The following PTPRR variants were observed in gnomAD, a reference collection of about 807,000 sequenced individuals.
PTPRR encodes the protein protein tyrosine phosphatase receptor type R.
Under a neutral mutation model 77.2 loss-of-function variants are expected in PTPRR, and 38 were observed. The ratio of observed to expected loss-of-function variants is 0.49; its 90% CI spans 0.38 to 0.65. PTPRR has a LOEUF of 0.65. Ranked by LOEUF, PTPRR falls within the 30% of genes least tolerant of loss-of-function variation. The probability of loss-of-function intolerance (pLI) is 0.00; values close to 1 mark genes in which losing one functional copy is unlikely to be tolerated. For missense variants in PTPRR, 744 were observed against 799.2 expected, an observed-to-expected ratio of 0.93 and a Z score of 0.83; for synonymous variants, 299 against 283.1, an observed-to-expected ratio of 1.06 and a Z score of -0.57.
chr12:70,906,267 A>ATTAGAAATATATT (rs1893620411), intron 1 of PTPRR, among the ~76,000 whole-genome samples: 1 of 151,966 alleles, frequency 6.6e-6, no homozygotes, highest in Non-Finnish European at 1.5e-5. Flanking sequence ...CTACAACTAG[A>ATTAGAAATATATT]TTAGAAATAT....
intron 10 of PTPRR, among the ~76,000 whole-genome samples, chr12:70,668,457 A>G (rs1214306212): frequency 6.6e-6 from 1 of 152,200 alleles, no homozygotes; most frequent in Non-Finnish European, 1.5e-5. Flanking sequence ...AGAAGATCCA[A>G]CAGTCCAATT....
intron 4 of PTPRR, among the ~76,000 whole-genome samples, chr12:70,760,164 T>A (rs1199353653): frequency 1.3e-5 from 2 of 152,250 alleles, no homozygotes; most frequent in African/African-American, 2.4e-5. Context: ...TTTCTGCATA[T>A]ACTTTAAAAA....
chr12:70,668,252 G>T (rs1887084673), intron 10 of PTPRR, among the ~76,000 whole-genome samples: 1 of 152,010 alleles, frequency 6.6e-6, no homozygotes, highest in Admixed American at 6.6e-5. Flanking sequence ...AGAGGAGGAG[G>T]AGGATAAGGA....
intron 2 of PTPRR, among the ~76,000 whole-genome samples, chr12:70,855,823 C>A (rs917052475): frequency 6.6e-6 from 1 of 152,086 alleles, no homozygotes; most frequent in Admixed American, 6.6e-5. Context: ...TGCTTGAAAA[C>A]CTGCATATAA....
At chr12:70,644,700 C>A (rs1396525684) in intron 13 of PTPRR, among the ~76,000 whole-genome samples, 1 of 152,174 alleles carries the variant, frequency 6.6e-6, no homozygotes, top group African/African-American at 2.4e-5. Flanking sequence ...TTGGTACCAT[C>A]TGGTCAAATA....
intron 2 of PTPRR, among the ~76,000 whole-genome samples, chr12:70,817,514 C>CT: frequency 6.6e-6 from 1 of 152,214 alleles, no homozygotes; most frequent in Non-Finnish European, 1.5e-5. Context: ...TAATTTTCAT[C>CT]TATTTTTGAG....
intron 11 of PTPRR, 75 bp from the exon 12 acceptor site, chr12:70,661,172 GC>G: frequency 6.5e-7 from 1 of 1,530,358 alleles, no homozygotes; most frequent in Non-Finnish European, 8.9e-7. Context: ...AATACTGAAT[GC>G]CTTTTATCAC....
chr12:70,681,152 C>T (rs770891056), intron 10 of PTPRR, among the ~76,000 whole-genome samples: 13 of 152,144 alleles, frequency 8.5e-5, no homozygotes, highest in Non-Finnish European at 1.9e-4. Flanking sequence ...TGTAGCAACT[C>T]AGCAAGGGAA....
Position 70,652,337 on chromosome 12 carries a change from C to T in PTPRR, c.1880+4367G>A, listed in dbSNP as rs566372260. On this transcript the variant is annotated intron_variant, in intron 13 of 13. Transcript: ENST00000283228. Reference sequence around the variant, plus strand: ...GAAAAAGAAGTAAGATGAGGTGAAACGAAAGGGATAGGTTTTCTGTTCTGC... The same window carrying T: ...GAAAAAGAAGTAAGATGAGGTGAAATGAAAGGGATAGGTTTTCTGTTCTGC... Among the ~76,000 whole-genome samples the T allele has an allele frequency of 2.8e-4, 42 of 152,086 alleles. 1 individual carries two copies. Among genetic ancestry groups the T allele is most frequent in the Middle Eastern group, 3.4e-3 (1 of 294 alleles).
intron 1 of PTPRR, among the ~76,000 whole-genome samples, chr12:70,911,276 A>G (rs1893695055): frequency 6.6e-6 from 1 of 152,166 alleles, no homozygotes; most frequent in Non-Finnish European, 1.5e-5. Context: ...ATAGGATAGT[A>G]TCAGTTGGTC....
chr12:70,717,771 G>A (rs60437214), intron 6 of PTPRR, among the ~76,000 whole-genome samples: 71,590 of 151,954 alleles, frequency 0.47, 17,861 homozygotes, highest in Non-Finnish European at 0.54. Flanking sequence ...TGTGTGCATG[G>A]CAGGGATTTG....
intron 2 of PTPRR, among the ~76,000 whole-genome samples, chr12:70,846,974 C>T (rs1892495337): frequency 1.3e-5 from 2 of 152,030 alleles, no homozygotes; most frequent in African/African-American, 2.4e-5. Flanking sequence ...TCTCATGCCA[C>T]TGTGTAAACT....
rs372509643 is a variant in PTPRR at position 70,807,782 on chromosome 12, T to C, written c.358-43004A>G. Among the ~76,000 whole-genome samples, 81 of 152,330 alleles carry C rather than the reference T, an allele frequency of 5.3e-4. 1 individual carries two copies. The highest frequency in any genetic ancestry group is 1.9e-3 in the African/African-American group (79 of 41,566). Reference sequence around the variant, plus strand: ...GTGATTTCCTATGCCTGTCTTTACTTTAATCTCTTAATCCCATCATCTTCA... The same window carrying C: ...GTGATTTCCTATGCCTGTCTTTACTCTAATCTCTTAATCCCATCATCTTCA... On this transcript the variant is annotated intron_variant, in intron 2 of 13. Transcript: ENST00000283228.
intron 1 of PTPRR, among the ~76,000 whole-genome samples, chr12:70,896,952 T>C (rs1276115238): frequency 6.6e-6 from 1 of 151,852 alleles, no homozygotes. Context: ...GAGGGCTGTG[T>C]TCTGTTCCAT....
chr12:70,750,873 C>T lies in PTPRR; in HGVS notation c.738+3318G>A, dbSNP rs76847058. On this transcript the variant is annotated intron_variant, in intron 5 of 13. Coordinates refer to ENST00000283228, the MANE Select transcript of PTPRR (RefSeq NM_002849.4). Reference sequence around the variant, plus strand: ...TCTCCTCAGTAGCTGGGACTACAGGCATGTGCCATCAGCCTGGATGATTTT... The same window carrying T: ...TCTCCTCAGTAGCTGGGACTACAGGTATGTGCCATCAGCCTGGATGATTTT... Among the ~76,000 whole-genome samples, 650 of 151,864 alleles carry T rather than the reference C, an allele frequency of 4.3e-3. 23 individuals carry two copies. In the South Asian group the frequency reaches 0.061, roughly 14 times the overall value.
intron 1 of PTPRR, among the ~76,000 whole-genome samples, chr12:70,908,476 G>A (rs1019742904): frequency 4.6e-5 from 7 of 152,258 alleles, no homozygotes; most frequent in African/African-American, 1.7e-4. Context: ...GTGAGAGAAT[G>A]AGTGCCCAGA....
chr12:70,787,644 C>T (rs1173733864), intron 2 of PTPRR, among the ~76,000 whole-genome samples: 1 of 152,084 alleles, frequency 6.6e-6, no homozygotes, highest in Non-Finnish European at 1.5e-5. Context: ...GCCAAGCCAT[C>T]ATTTGGCATT....
chr12:70,751,197 G>A (rs1890385103), intron 5 of PTPRR, among the ~76,000 whole-genome samples: 1 of 152,086 alleles, frequency 6.6e-6, no homozygotes, highest in Non-Finnish European at 1.5e-5. Context: ...TTTCCACACA[G>A]TCAGGGAAGC....
chr12:70,718,543 T>C (rs1011376502), intron 6 of PTPRR, among the ~76,000 whole-genome samples: 2 of 152,108 alleles, frequency 1.3e-5, no homozygotes, highest in African/African-American at 2.4e-5. Flanking sequence ...GGATTACAGG[T>C]GTGAGCCACT....
Sources: gnomAD v4.1 joint callset for allele counts (sites outside exome capture counted in the v4.1 genomes callset) on GRCh38, gnomAD v4.1.1 for gene constraint, MANE v1.5 for transcripts, NCBI Gene and HGNC (gene_info 2026-07-23, HGNC 2026-07-21) for gene names.